The following TMEM165 variants were observed in gnomAD, a reference collection of about 807,000 sequenced individuals.
TMEM165 encodes putative divalent cation/proton antiporter TMEM165.
Under a neutral mutation model 30.0 loss-of-function variants are expected in TMEM165, and 19 were observed. That is an observed-to-expected ratio of 0.63 (90% CI 0.44 to 0.93). The LOEUF (loss-of-function observed/expected upper bound fraction) is 0.93, where lower values mean the gene tolerates loss of function less well. Among genes scored for constraint, TMEM165 ranks in the 40% least tolerant of loss-of-function variants. TMEM165 has a pLI of 0.00. For missense variants in TMEM165, 340 were observed against 417.0 expected, an observed-to-expected ratio of 0.82 and a Z score of 1.61; for synonymous variants, 168 against 162.9, an observed-to-expected ratio of 1.03 and a Z score of -0.24.
chr4:55,408,604 C>G (rs1447690430), intron 1 of TMEM165, among the ~76,000 whole-genome samples: 1 of 152,174 alleles, frequency 6.6e-6, no homozygotes, highest in African/African-American at 2.4e-5. Context: ...AAATTGTCAT[C>G]ATGTGGTGCA....
intron 3 of TMEM165, chr4:55,435,648 A>AT: frequency 6.4e-7 from 1 of 1,571,200 alleles, no homozygotes; most frequent in Non-Finnish European, 8.8e-7. Flanking sequence ...TGGCACCCAC[A>AT]TAATAGTTAC....
At chr4:55,409,812 T>C (rs1721411274) in intron 1 of TMEM165, among the ~76,000 whole-genome samples, 1 of 152,198 alleles carries the variant, frequency 6.6e-6, no homozygotes, top group Non-Finnish European at 1.5e-5. Flanking sequence ...CTGTTCCAAC[T>C]TTGGGTGCGT....
downstream of TMEM165, among the ~76,000 whole-genome samples, chr4:55,427,248 G>C (rs982650163): frequency 3.3e-5 from 5 of 151,620 alleles, no homozygotes; most frequent in Non-Finnish European, 7.4e-5. Context: ...ATGCTGGCCA[G>C]GCTGGTCTCG....
chr4:55,421,787 C>T (rs1721984802), intron 4 of TMEM165, among the ~76,000 whole-genome samples: 4 of 152,188 alleles, frequency 2.6e-5, no homozygotes, highest in Admixed American at 2.6e-4. Context: ...CCACCCATCA[C>T]AGTGGCAGCC....
rs757685502 is a variant in TMEM165, at chr4:55,442,441, C to T, written c.409-9798C>T. 40 of 1,608,594 alleles carry T rather than the reference C, an allele frequency of 2.5e-5. No homozygotes were observed. The Admixed American group carries it at 3.5e-4, about 14-fold the overall frequency. ...GAAATATGACAACTACCTTATCTGC[C>T]TGTCCTGAGTGAATGTAGTTACTGC... On this transcript the variant is annotated intron_variant, in intron 3 of 3. Coordinates refer to the TMEM165 transcript ENST00000608091.
At chr4:55,451,727 A>G (rs1724472704) in intron 3 of TMEM165, among the ~76,000 whole-genome samples, 1 of 152,194 alleles carries the variant, frequency 6.6e-6, no homozygotes. Context: ...TCCCCTAATC[A>G]AGGAACCCTA....
intron 4 of TMEM165, among the ~76,000 whole-genome samples, chr4:55,422,675 G>A (rs1722030182): frequency 6.6e-6 from 1 of 151,740 alleles, no homozygotes; most frequent in Non-Finnish European, 1.5e-5. Context: ...TTGAGATGGA[G>A]TCTCACTCTG....
chr4:55,402,421 ATATATATATATATTTT>A (rs1721048284), intron 1 of TMEM165, among the ~76,000 whole-genome samples: 1 of 56,518 alleles, frequency 1.8e-5, no homozygotes, highest in Non-Finnish European at 2.9e-5. Flanking sequence ...ATATATATAT[ATATATATATATATTTT>A]TTTTTTTTTT....
intron 2 of TMEM165, chr4:55,416,834 C>T: frequency 2.8e-6 from 1 of 351,782 alleles, no homozygotes; most frequent in Non-Finnish European, 5.1e-6. Context: ...GGAAGATGTG[C>T]CATCTTCAAC....
At position 55,400,894 on chromosome 4, in the gene TMEM165, A is replaced by G. The variant is rs934265469; in HGVS notation, c.207+4498A>G. ...CACCTGATGGAGGTAAGAAATGATC[A>G]AAGTACAGTTTAACAGCAGTATTAG... On this transcript the variant is annotated intron_variant, in intron 1 of 5. Transcript: ENST00000381334. Among the ~76,000 whole-genome samples, 29 of 150,990 alleles carry G rather than the reference A, an allele frequency of 1.9e-4. 1 individual carries two copies. Among genetic ancestry groups the G allele is most frequent in the African/African-American group, 7.2e-4 (29 of 40,294 alleles).
At position 55,417,244 on chromosome 4, in the gene TMEM165, A is replaced by C; in HGVS notation, c.606A>C (p.Glu202Asp). Residue 202 changes from glutamate to aspartate, a missense_variant, in exon 3 of 6, where the codon GAA (glutamate) becomes GAC (aspartate). Physicochemically the swap from Glu to Asp is conservative, Grantham distance 45. Transcript: ENST00000381334. ...AAGCTGAATTAAAGAAGAAAGATGA[A>C]GAAGTAAGCCATGGCACTGTTGATC... The part of the protein sequence containing the change: ...EVQAELKKKD[E>D]EFQRTKLLNG... 1 of 1,612,118 alleles carries C rather than the reference A, an allele frequency of 6.2e-7. No homozygotes were observed. The highest frequency in any genetic ancestry group is 8.5e-7 in the Non-Finnish European group (1 of 1,179,312).
intron 1 of TMEM165, among the ~76,000 whole-genome samples, chr4:55,402,312 C>T (rs983089902): frequency 7.1e-6 from 1 of 140,302 alleles, no homozygotes; most frequent in Admixed American, 7.1e-5. Context: ...CACAAAAATA[C>T]GTAATGAAAA....
chr4:55,420,135 T>A (rs2056464), intron 4 of TMEM165, among the ~76,000 whole-genome samples: 14,204 of 42,292 alleles, frequency 0.34, 3,544 homozygotes, highest in East Asian at 0.7. Context: ...ATATATTTAT[T>A]TATTTATTTA....
intron 3 of TMEM165, among the ~76,000 whole-genome samples, chr4:55,447,004 AT>A (rs767548789): frequency 6.6e-6 from 1 of 152,112 alleles, no homozygotes; most frequent in African/African-American, 2.4e-5. Context: ...GGTTGAGAAA[AT>A]ATTAAAAATT....
At chr4:55,432,492 T>TTTTA (rs1553888432) in intron 3 of TMEM165, 1 of 144,290 alleles carries the variant, frequency 6.9e-6, no homozygotes, top group Non-Finnish European at 1.5e-5. Context: ...TTTTTTTTTT[T>TTTTA]AAAGCTGGAA....
At chr4:55,448,603 T>TGCGC (rs1228920045) in intron 3 of TMEM165, among the ~76,000 whole-genome samples, 1 of 27,922 alleles carries the variant, frequency 3.6e-5, no homozygotes, top group African/African-American at 1.7e-4. Context: ...CACGCGCGCG[T>TGCGC]GTGTGTGTGT....
intron 3 of TMEM165, among the ~76,000 whole-genome samples, chr4:55,446,453 C>T (rs1723859217): frequency 6.6e-6 from 1 of 152,090 alleles, no homozygotes; most frequent in African/African-American, 2.4e-5. Flanking sequence ...CCCTAGAATG[C>T]CCTCTATGTG....
chr4:55,400,260 T>TTA (rs1720908017), intron 1 of TMEM165, among the ~76,000 whole-genome samples: 1 of 111,138 alleles, frequency 9.0e-6, no homozygotes, highest in African/African-American at 3.9e-5. Context: ...ATTATATTAA[T>TTA]ATATAATATA....
chr4:55,403,584 T>A (rs1721138152), intron 1 of TMEM165, among the ~76,000 whole-genome samples: 2 of 120,626 alleles, frequency 1.7e-5, no homozygotes, highest in Admixed American at 1.9e-4. Context: ...TTTAAAAAAA[T>A]CTTAAGTTGT....
Sources: allele counts gnomAD v4.1 joint callset (sites outside exome capture counted in the v4.1 genomes callset), GRCh38; gene constraint gnomAD v4.1.1; transcripts MANE v1.5; gene names NCBI Gene and HGNC (gene_info 2026-07-23, HGNC 2026-07-21).